The following IFT80 variants were observed in gnomAD, a reference collection of about 807,000 sequenced individuals.
The protein encoded by IFT80 is intraflagellar transport 80.
A neutral mutation model predicts 107.9 loss-of-function variants in IFT80; 79 were observed. That is an observed-to-expected ratio of 0.73 (90% CI 0.61 to 0.88). IFT80 has a LOEUF of 0.88. Among genes scored for constraint, IFT80 ranks in the 40% least tolerant of loss-of-function variants. IFT80 has a pLI of 0.00. For synonymous variants in IFT80, 299 were observed against 300.9 expected (o/e 0.99, Z 0.07); for missense variants, 797 against 914.2 (o/e 0.87, Z 1.65).
intron 1 of IFT80, among the ~76,000 whole-genome samples, chr3:160,388,581 A>G (rs1255143195): frequency 6.7e-6 from 1 of 148,754 alleles, no homozygotes; most frequent in Non-Finnish European, 1.5e-5. Context: ...TTATATATGT[A>G]ACATATAAGT....
At chr3:160,352,151 C>T (rs1323175502) in intron 8 of IFT80, among the ~76,000 whole-genome samples, 1 of 151,888 alleles carries the variant, frequency 6.6e-6, no homozygotes. Flanking sequence ...CCACCACGCC[C>T]GGCTAATTTT....
chr3:160,259,567 C>T (rs1712653086), intron 19 of IFT80, among the ~76,000 whole-genome samples: 1 of 152,174 alleles, frequency 6.6e-6, no homozygotes, highest in African/African-American at 2.4e-5. Context: ...GAAGGGAAAG[C>T]AAGACTGGGA....
chr3:160,330,881 A>G (rs903545203), intron 8 of IFT80, among the ~76,000 whole-genome samples: 3 of 152,178 alleles, frequency 2.0e-5, no homozygotes, highest in African/African-American at 4.8e-5. Flanking sequence ...ATATTTCAGT[A>G]TACAGTAGTC....
At chr3:160,260,757 C>T (rs898852061) in intron 19 of IFT80, among the ~76,000 whole-genome samples, 3 of 152,162 alleles carry the variant, frequency 2.0e-5, no homozygotes, top group African/African-American at 7.2e-5. Flanking sequence ...CCAATATTAT[C>T]TGGCACTCCT....
Position 160,277,472 on chromosome 3 carries a change from T to C in IFT80, c.1933A>G (p.Lys645Glu), listed in dbSNP as rs1030571795. The stretch of plus-strand genomic sequence containing the variant: ...TTTATAGAATTGATGTACTGAACCT[T>C]ATCAATCTAAAAAAGAAAAGAAAAA... ...IAYAAIGEID[K>E]VQYINSIKNL... The change falls in exon 18 of 20, where the codon AAG becomes GAG. Residue 645 changes from lysine to glutamate, a missense_variant. Transcript: ENST00000326448. 4 of 1,603,568 alleles carry C rather than the reference T, an allele frequency of 2.5e-6. No individual in the cohort carries two copies. The highest frequency in any genetic ancestry group is 2.6e-6 in the Non-Finnish European group (3 of 1,171,140).
rs1000258129 is a variant in IFT80, at chr3:160,258,286, G to A, written c.*239C>T. 1 of 554,396 alleles carries A rather than the reference G, an allele frequency of 1.8e-6. No individual in the cohort carries two copies. Among genetic ancestry groups the A allele is most frequent in the Non-Finnish European group, 3.2e-6 (1 of 315,196 alleles). The allele number at this position is 554,396 out of a possible 1,614,324, so 34.3% of individuals were successfully genotyped here. On this transcript the variant is annotated 3_prime_UTR_variant, in exon 20 of 20. Transcript: ENST00000326448. Reference sequence around the variant, plus strand: ...CTGACATATAATCGACACTACACAGGTATCTCTTAAGTACATAGTAATATT... The same window carrying A: ...CTGACATATAATCGACACTACACAGATATCTCTTAAGTACATAGTAATATT...
chr3:160,323,922 T>C (rs1476343350), intron 8 of IFT80, among the ~76,000 whole-genome samples: 5 of 151,196 alleles, frequency 3.3e-5, no homozygotes, highest in Non-Finnish European at 7.4e-5. Flanking sequence ...ATCAAATAGA[T>C]ACAATAAAAA....
chr3:160,301,125 C>T (rs1413033785), intron 11 of IFT80, 79 bp from the exon 12 acceptor site: 1 of 1,287,322 alleles, frequency 7.8e-7, no homozygotes. Flanking sequence ...AATAGTTTAT[C>T]CTTGGGAAAA....
intron 8 of IFT80, among the ~76,000 whole-genome samples, chr3:160,331,859 G>A (rs1032187803): frequency 6.6e-6 from 1 of 152,078 alleles, no homozygotes; most frequent in African/African-American, 2.4e-5. Context: ...TAAGGTCTAT[G>A]TTGCCCAGGC....
chr3:160,310,584 C>T (rs900352328), intron 9 of IFT80, among the ~76,000 whole-genome samples: 4 of 152,036 alleles, frequency 2.6e-5, no homozygotes, highest in Non-Finnish European at 5.9e-5. Context: ...TTTCACAACC[C>T]CCAATGAAAA....
Position 160,303,975 on chromosome 3 carries a change from T to A in IFT80, c.1091A>T (p.Asn364Ile). 1 of 1,609,688 alleles carries A rather than the reference T, an allele frequency of 6.2e-7. No homozygotes were observed. The highest frequency in any genetic ancestry group is 8.5e-7 in the Non-Finnish European group (1 of 1,176,262). The change falls in exon 11 of 20, where the codon AAC becomes ATC. Residue 364 changes from asparagine (N) to isoleucine (I), a missense_variant. By Grantham distance (149) the Asn-to-Ile change is moderately radical (BLOSUM62 -3). Transcript: ENST00000326448. ...QCYVFSTKNW[N>I]TPIIFDLKEG... ...TTTGAGATCAAATATAATTGGTGTGTTCCAGTTCTTCGTGCTAAAAGACAA... is the reference window on the plus strand; with the variant it reads ...TTTGAGATCAAATATAATTGGTGTGATCCAGTTCTTCGTGCTAAAAGACAA...
intron 13 of IFT80, among the ~76,000 whole-genome samples, chr3:160,285,309 C>G (rs1715005299): frequency 6.6e-6 from 1 of 152,128 alleles, no homozygotes; most frequent in Non-Finnish European, 1.5e-5. Context: ...AAGGATAACT[C>G]AATGCAATGT....
At chr3:160,387,089 A>G (rs1220678332) in intron 1 of IFT80, among the ~76,000 whole-genome samples, 4 of 152,248 alleles carry the variant, frequency 2.6e-5, no homozygotes, top group African/African-American at 4.8e-5. Context: ...ACCCCAAAAG[A>G]GAAATGAAAG....
At chr3:160,319,724 G>T (rs2108297779) in intron 9 of IFT80, 36 bp downstream of exon 9, 4 of 1,513,102 alleles carry the variant, frequency 2.6e-6, no homozygotes, top group East Asian at 2.3e-5. Flanking sequence ...AATATGAAAA[G>T]AAGCAGGTTT....
intron 12 of IFT80, among the ~76,000 whole-genome samples, chr3:160,294,245 G>A (rs536158062): frequency 6.6e-6 from 1 of 151,980 alleles, no homozygotes; most frequent in Non-Finnish European, 1.5e-5. Flanking sequence ...TGGAGACAGG[G>A]TCCTGCTCTG....
chr3:160,378,790 A>G (rs1275416369), intron 3 of IFT80, among the ~76,000 whole-genome samples: 2 of 152,082 alleles, frequency 1.3e-5, no homozygotes, highest in Non-Finnish European at 2.9e-5. Context: ...TGACCCCAAA[A>G]AAACAAATAA....
intron 19 of IFT80, among the ~76,000 whole-genome samples, chr3:160,268,173 T>C (rs770228492): frequency 1.3e-5 from 2 of 152,154 alleles, no homozygotes; most frequent in Non-Finnish European, 2.9e-5. Flanking sequence ...GCACCCAACC[T>C]TAGCACAAAT....
intron 12 of IFT80, among the ~76,000 whole-genome samples, chr3:160,297,355 C>A (rs1039831280): frequency 2.0e-5 from 3 of 151,830 alleles, no homozygotes; most frequent in Admixed American, 2.0e-4. Context: ...TATATGACAG[C>A]ATATGAATAG....
At chr3:160,264,979 C>CT (rs1713185030) in intron 19 of IFT80, among the ~76,000 whole-genome samples, 1 of 152,166 alleles carries the variant, frequency 6.6e-6, no homozygotes, top group East Asian at 1.9e-4. Flanking sequence ...TTTGCTAGAA[C>CT]AGTCTCTGCT....
Sources: allele counts gnomAD v4.1 joint callset (sites outside exome capture counted in the v4.1 genomes callset), GRCh38; gene constraint gnomAD v4.1.1; transcripts MANE v1.5; gene names NCBI Gene and HGNC (gene_info 2026-07-23, HGNC 2026-07-21).